CCDC81: variants seen among roughly 807,000 people sequenced by gnomAD.
CCDC81 encodes coiled-coil domain-containing protein 81.
In CCDC81, 79 loss-of-function variants were observed where a neutral mutation model predicts 83.7. That is an observed-to-expected ratio of 0.94 (90% CI 0.79 to 1.14). The LOEUF (loss-of-function observed/expected upper bound fraction) is 1.14. CCDC81 is among the 50% of genes most tolerant of loss of function. The probability of loss-of-function intolerance (pLI) is 0.00; values close to 1 mark genes in which losing one functional copy is unlikely to be tolerated. For missense variants in CCDC81, 791 were observed against 778.1 expected, an observed-to-expected ratio of 1.02 and a Z score of -0.20; for synonymous variants, 252 against 278.1, an observed-to-expected ratio of 0.91 and a Z score of 0.93.
At chr11:86,398,002 A>T (rs1948433521) in intron 6 of CCDC81, among the ~76,000 whole-genome samples, 1 of 151,990 alleles carries the variant, frequency 6.6e-6, no homozygotes, top group African/African-American at 2.4e-5. Context: ...ATCATGTGCC[A>T]CCATGCCTGG....
rs1948261463 is a variant in CCDC81, at chr11:86,387,606, GT to G, written c.233del (p.Val78GlyfsTer8). Reference sequence around the variant, plus strand: ...CAAATTTATCTTAATCCAGAGGCCTGTGTTTATCATGGTGGAGAAGCTAGTG... The same window carrying G: ...CAAATTTATCTTAATCCAGAGGCCTGGTTTATCATGGTGGAGAAGCTAGTG... The part of the protein sequence containing the change: ...NNKFILIQRP[V>X]FIMVEKLVQI... On this transcript the variant is annotated frameshift_variant, in exon 3 of 15. Transcript: ENST00000445632. LOFTEE classifies it high-confidence loss of function. The G allele has an allele frequency of 6.2e-7, 1 of 1,612,368 alleles. No homozygotes were observed. Among genetic ancestry groups the G allele is most frequent in the East Asian group, 2.2e-5 (1 of 44,868 alleles).
intron 3 of CCDC81, among the ~76,000 whole-genome samples, chr11:86,390,650 G>A (rs1948315236): frequency 6.6e-6 from 1 of 152,196 alleles, no homozygotes; most frequent in Non-Finnish European, 1.5e-5. Flanking sequence ...TTACTCATGA[G>A]ACATTTCAGA....
intron 12 of CCDC81, 27 bp from the exon 13 acceptor site, chr11:86,415,066 C>A (rs774446649): frequency 8.7e-6 from 14 of 1,605,916 alleles, no homozygotes; most frequent in Non-Finnish European, 1.0e-5. Flanking sequence ...AGAATGATAA[C>A]CTGCATTATG....
In CCDC81 at chr11:86,412,466, T is replaced by G. The variant is rs770557348; in HGVS notation, c.1298T>G (p.Leu433Arg). The change falls in exon 11 of 15, where the codon CTG (leucine) becomes CGG (arginine). Residue 433 changes from leucine (L) to arginine (R), a missense_variant. Leu to Arg is a moderately radical substitution (Grantham distance 102). Coordinates refer to ENST00000445632, the MANE Select transcript of CCDC81 (RefSeq NM_001156474.2). ...LKQEEYSRSL[L>R]KQMDNRQENE... The stretch of plus-strand genomic sequence containing the variant: ...CAAGAGGAATATTCCCGGAGTCTCC[T>G]GAAACAAATGGATAACAGACAGGAA... 6.2e-7 allele frequency: 1 copy of G among 1,613,978 alleles called. No individual in the cohort carries two copies. The highest frequency in any genetic ancestry group is 8.5e-7 in the Non-Finnish European group (1 of 1,179,904).
intron 7 of CCDC81, among the ~76,000 whole-genome samples, chr11:86,401,821 A>G (rs1948492239): frequency 6.6e-6 from 1 of 152,154 alleles, no homozygotes; most frequent in South Asian, 2.1e-4. Context: ...TGACTCAAAA[A>G]TGTTTGTTTC....
At chr11:86,412,236 T>C (rs1017392998) in intron 10 of CCDC81, 151 bp from the exon 11 acceptor site, 1 of 598,940 alleles carries the variant, frequency 1.7e-6, no homozygotes, top group Non-Finnish European at 2.9e-6. Flanking sequence ...TATGATTCTA[T>C]GTGTTACCTC....
chr11:86,380,946 G>T (rs1404944146), intron 1 of CCDC81, among the ~76,000 whole-genome samples: 1 of 152,110 alleles, frequency 6.6e-6, no homozygotes, highest in Non-Finnish European at 1.5e-5. Context: ...TGGTTGCTCT[G>T]TCTCTTCATA....
chr11:86,404,598 A>G (rs1420108671), intron 7 of CCDC81, among the ~76,000 whole-genome samples: 2 of 152,246 alleles, frequency 1.3e-5, no homozygotes, highest in East Asian at 3.8e-4. Context: ...GAGAGCCATC[A>G]GAAACAAAAG....
At chr11:86,407,523 T>C (rs1475633522) in intron 7 of CCDC81, 91 bp from the exon 8 acceptor site, 7 of 802,704 alleles carry the variant, frequency 8.7e-6, no homozygotes, top group African/African-American at 1.7e-5. Flanking sequence ...ACTGAAATAT[T>C]TTTCTTCATC....
At position 86,422,488 on chromosome 11, in the gene CCDC81, G is replaced by A. The variant is rs879064959; in HGVS notation, c.1818-86G>A. 7.8e-5 allele frequency: 100 copies of A among 1,279,222 alleles called. 1 individual carries two copies. In the South Asian group the frequency reaches 1.3e-3, roughly 16 times the overall value. The allele number at this position is 1,279,222 out of a possible 1,614,324, so 79.2% of individuals were successfully genotyped here. A position where few individuals can be genotyped will look rare whatever the true frequency, so the allele number is the denominator to read the frequency against. On this transcript the variant is annotated intron_variant, in intron 14 of 14. Coordinates refer to ENST00000445632, the MANE Select transcript of CCDC81 (RefSeq NM_001156474.2). ...GAACGCAAGGTGTCACTTTTCTTTT[G>A]TGTACCTCCTGCCATACCAGCTTCC... is the stretch of plus-strand genomic sequence containing the variant.
intron 3 of CCDC81, among the ~76,000 whole-genome samples, chr11:86,389,800 T>C (rs1046833958): frequency 2.4e-4 from 37 of 152,192 alleles, no homozygotes; most frequent in Non-Finnish European, 5.0e-4. Context: ...AAATCTAGCA[T>C]AGATAATTAA....
At chr11:86,393,567 T>G (rs1948364990) in intron 4 of CCDC81, among the ~76,000 whole-genome samples, 1 of 152,236 alleles carries the variant, frequency 6.6e-6, no homozygotes, top group South Asian at 2.1e-4. Flanking sequence ...TATTTTATTT[T>G]TTAATGTTGG....
In CCDC81 at chr11:86,417,729, C is replaced by T. The variant is rs550850015; in HGVS notation, c.1692-2199C>T. Among the ~76,000 whole-genome samples the T allele has an allele frequency of 1.2e-3, 181 of 151,604 alleles. 1 individual carries two copies. Among genetic ancestry groups the T allele is most frequent in the African/African-American group, 3.5e-3 (144 of 41,382 alleles). The stretch of plus-strand genomic sequence containing the variant: ...AAGTGGGGCTGCTGTGTCCAATGTA[C>T]GGTACATCTAATTTTCCTTTTTTTT... On this transcript the variant is annotated intron_variant, in intron 13 of 14. Transcript: ENST00000445632.
intron 10 of CCDC81, among the ~76,000 whole-genome samples, chr11:86,410,040 C>T (rs1450153606): frequency 6.6e-6 from 1 of 152,176 alleles, no homozygotes; most frequent in Non-Finnish European, 1.5e-5. Flanking sequence ...GGGCCTCACC[C>T]CAGACTCCCT....
intron 6 of CCDC81, among the ~76,000 whole-genome samples, chr11:86,398,692 C>T (rs565452541): frequency 2.0e-5 from 3 of 152,254 alleles, no homozygotes; most frequent in South Asian, 4.1e-4. Flanking sequence ...GCATCAGCCT[C>T]CCTGGAAGTA....
At chr11:86,388,998 G>A (rs1565759678) in intron 3 of CCDC81, among the ~76,000 whole-genome samples, 2 of 152,006 alleles carry the variant, frequency 1.3e-5, no homozygotes, top group African/African-American at 2.4e-5. Flanking sequence ...ATTCTAGGCC[G>A]GGCATGGTGG....
At position 86,422,908 on chromosome 11, in the gene CCDC81, C is replaced by T; in HGVS notation, c.*193C>T. 3.4e-6 allele frequency: 2 copies of T among 591,678 alleles called. No individual in the cohort carries two copies. Among genetic ancestry groups the T allele is most frequent in the Admixed American group, 3.1e-5 (1 of 32,420 alleles). The allele number at this position is 591,678 out of a possible 1,614,324, so 36.7% of individuals were successfully genotyped here. On this transcript the variant is annotated 3_prime_UTR_variant, in exon 15 of 15. Transcript: ENST00000445632. ...CTCCCACCCCCAATTATTTCCTATA[C>T]TAGTTTCTGATGGCAGTGAAGGTGT...
In CCDC81 at chr11:86,386,208, T is replaced by C. The variant is rs1244464726; in HGVS notation, c.141+96T>C. The C allele has an allele frequency of 1.1e-5, 4 of 369,750 alleles. No individual in the cohort carries two copies. The East Asian group carries it at 2.6e-4, about 24-fold the overall frequency. The allele number at this position is 369,750 out of a possible 1,614,324, so 22.9% of individuals were successfully genotyped here. A position where few individuals can be genotyped will look rare whatever the true frequency, so the allele number is the denominator to read the frequency against. On this transcript the variant is annotated intron_variant, in intron 2 of 14. Coordinates refer to ENST00000445632, the MANE Select transcript of CCDC81 (RefSeq NM_001156474.2). ...CCTTCCTTCATAGTCTTATATAATG[T>C]TGCTGGGAGCAGGGCAGTAGACTTT...
At chr11:86,393,048 T>C (rs963122609) in intron 4 of CCDC81, among the ~76,000 whole-genome samples, 1 of 152,184 alleles carries the variant, frequency 6.6e-6, no homozygotes, top group African/African-American at 2.4e-5. Flanking sequence ...CTGAACATTT[T>C]ATAGTACCTT....
Sources: gnomAD v4.1 joint callset for allele counts (sites outside exome capture counted in the v4.1 genomes callset) on GRCh38, gnomAD v4.1.1 for gene constraint, MANE v1.5 for transcripts, NCBI Gene and HGNC (gene_info 2026-07-23, HGNC 2026-07-21) for gene names.